The following EPC1 variants were observed in gnomAD, a reference collection of about 807,000 sequenced individuals.
The protein encoded by EPC1 is enhancer of polycomb homolog 1.
EPC1 carries 12 observed loss-of-function variants against 98.4 expected under a neutral mutation model. The observed-to-expected ratio is 0.12, with a 90% CI of 0.08 to 0.20. The LOEUF (loss-of-function observed/expected upper bound fraction) is 0.20. Ranked by LOEUF, EPC1 falls within the 10% of genes least tolerant of loss-of-function variation. The probability of loss-of-function intolerance (pLI) is 1.00; values close to 1 mark genes in which losing one functional copy is unlikely to be tolerated. For missense variants in EPC1, 729 were observed against 990.5 expected, an observed-to-expected ratio of 0.74 and a Z score of 3.54; for synonymous variants, 357 against 363.9, an observed-to-expected ratio of 0.98 and a Z score of 0.21.
intron 1 of EPC1, among the ~76,000 whole-genome samples, chr10:32,367,953 T>C (rs533744582): frequency 1.3e-5 from 2 of 152,354 alleles, no homozygotes; most frequent in South Asian, 2.1e-4. Context: ...AAATGTTACA[T>C]AAGCGAATGT....
At chr10:32,302,000 G>A (rs1835572682) in intron 2 of EPC1, among the ~76,000 whole-genome samples, 1 of 152,166 alleles carries the variant, frequency 6.6e-6, no homozygotes, top group East Asian at 1.9e-4. Context: ...GCGGCTGGAG[G>A]TGGTGGCTCA....
chr10:32,270,512 G>GT (rs1459437682), intron 13 of EPC1, among the ~76,000 whole-genome samples: 1 of 152,124 alleles, frequency 6.6e-6, no homozygotes, highest in African/African-American at 2.4e-5. Flanking sequence ...CATGAATACT[G>GT]TAAGTCTTTA....
At chr10:32,284,029 T>C (rs1436688535) in intron 10 of EPC1, 1 of 152,210 alleles carries the variant, frequency 6.6e-6, no homozygotes, top group African/African-American at 2.4e-5. Flanking sequence ...CAAAAATCAG[T>C]AGTAACATAA....
rs1299956450 is a variant in EPC1 at position 32,273,400 on chromosome 10, C to T, written c.1745-119G>A. 1.2e-5 allele frequency: 15 copies of T among 1,262,484 alleles called. No homozygotes were observed. The Admixed American group carries it at 4.3e-4, about 37-fold the overall frequency. The allele number at this position is 1,262,484 out of a possible 1,614,324, so 78.2% of individuals were successfully genotyped here. ...AAAATTGAAGCATCTGACAAAGGAT[C>T]ATGATCCTGCTAAAGATCACTTCCA... On this transcript the variant is annotated intron_variant, in intron 10 of 13. Coordinates refer to ENST00000319778, the MANE Select transcript of EPC1 (RefSeq NM_001272004.3).
intron 1 of EPC1, among the ~76,000 whole-genome samples, chr10:32,317,442 G>A (rs1271500234): frequency 1.3e-5 from 2 of 152,120 alleles, no homozygotes; most frequent in African/African-American, 2.4e-5. Flanking sequence ...AGGAGTTCGA[G>A]ATCAGCCTGA....
chr10:32,331,504 A>G (rs1268809109), intron 1 of EPC1, among the ~76,000 whole-genome samples: 1 of 148,590 alleles, frequency 6.7e-6, no homozygotes, highest in Non-Finnish European at 1.5e-5. Flanking sequence ...ATTTTATATC[A>G]TCTATCGTAC....
At chr10:32,311,975 T>C (rs1175640211) in intron 1 of EPC1, among the ~76,000 whole-genome samples, 3 of 152,206 alleles carry the variant, frequency 2.0e-5, no homozygotes, top group African/African-American at 7.2e-5. Context: ...TTAGAAATCA[T>C]TTCTAGAATT....
At chr10:32,293,833 A>G (rs1353204164) in intron 2 of EPC1, 96 bp from the exon 3 acceptor site, 1 of 1,140,514 alleles carries the variant, frequency 8.8e-7, no homozygotes, top group Non-Finnish European at 1.2e-6. Context: ...GACTTTCTAA[A>G]GAAATAAGAA....
At position 32,339,781 on chromosome 10, in the gene EPC1, ACTC is replaced by A. The variant is rs1270216818; in HGVS notation, c.153+6979_153+6981del. Reference sequence around the variant, plus strand: ...TGATTTTTCATACACTGCCTTATTCACTCCTCAGAGCTATTTTGTAAGGTAGCT... The same window carrying A: ...TGATTTTTCATACACTGCCTTATTCACTCAGAGCTATTTTGTAAGGTAGCT... On this transcript the variant is annotated intron_variant, in intron 1 of 13. Coordinates refer to ENST00000319778, the MANE Select transcript of EPC1 (RefSeq NM_001272004.3). Among the ~76,000 whole-genome samples the A allele has an allele frequency of 2.0e-5, 3 of 152,102 alleles. No homozygotes were observed. The East Asian group carries it at 5.8e-4, about 29-fold the overall frequency.
intron 1 of EPC1, among the ~76,000 whole-genome samples, chr10:32,358,000 GCCTGCCA>G (rs1839330457): frequency 6.6e-6 from 1 of 151,646 alleles, no homozygotes; most frequent in Non-Finnish European, 1.5e-5. Flanking sequence ...GATTACAGGT[GCCTGCCA>G]CCTTACCCAG....
At chr10:32,332,204 C>CTTCATAACAGTTGACAGCAAA (rs1303340842) in intron 1 of EPC1, among the ~76,000 whole-genome samples, 6 of 152,154 alleles carry the variant, frequency 3.9e-5, no homozygotes, top group Non-Finnish European at 7.3e-5. Flanking sequence ...CTTGGAAAGG[C>CTTCATAACAGTTGACAGCAAA]TTCATAACAG....
At position 32,291,204 on chromosome 10, in the gene EPC1, G is replaced by A; in HGVS notation, c.934C>T (p.His312Tyr). The A allele has an allele frequency of 6.2e-7, 1 of 1,613,920 alleles. No homozygotes were observed. Among genetic ancestry groups the A allele is most frequent in the Non-Finnish European group, 8.5e-7 (1 of 1,179,864 alleles). Residue 312 changes from histidine to tyrosine, a missense_variant, in exon 6 of 14, where the codon CAC (histidine) becomes TAC (tyrosine). His to Tyr is a moderately conservative substitution (Grantham distance 83, BLOSUM62 2). This residue lies in a region of EPC1 where 390 missense variants were observed against 438.6 expected (regional missense o/e 0.89). Coordinates refer to ENST00000319778, the MANE Select transcript of EPC1 (RefSeq NM_001272004.3). ...IPITNSSQFK[H>Y]QEAMDVKEFK... is the part of the protein sequence containing the mutation. Reference sequence around the variant, plus strand: ...TCCTTCACATCCATTGCTTCCTGGTGTTTAAATTGACTGCTATTAGTAATA... The same window carrying A: ...TCCTTCACATCCATTGCTTCCTGGTATTTAAATTGACTGCTATTAGTAATA...
chr10:32,363,269 TG>T (rs987117190), intron 1 of EPC1, among the ~76,000 whole-genome samples: 24 of 152,180 alleles, frequency 1.6e-4, no homozygotes, highest in African/African-American at 5.1e-4. Context: ...GAGAAAATTT[TG>T]TATTTTCACC....
At chr10:32,273,535 T>C (rs1835938793) in intron 10 of EPC1, among the ~76,000 whole-genome samples, 1 of 151,890 alleles carries the variant, frequency 6.6e-6, no homozygotes, top group Admixed American at 6.6e-5. Flanking sequence ...ACTGCTCACT[T>C]CCCAAATTTC....
chr10:32,340,125 A>G (rs2133025705), intron 1 of EPC1, among the ~76,000 whole-genome samples: 1 of 152,358 alleles, frequency 6.6e-6, no homozygotes, highest in African/African-American at 2.4e-5. Flanking sequence ...CGATTTGCTT[A>G]AATAATCTGC....
At chr10:32,349,698 C>T (rs1436724810), upstream of EPC1, among the ~76,000 whole-genome samples, 1 of 152,194 alleles carries the variant, frequency 6.6e-6, no homozygotes, top group Non-Finnish European at 1.5e-5. Flanking sequence ...AACTCCTGGG[C>T]TCAAGTGATC....
intron 1 of EPC1, among the ~76,000 whole-genome samples, chr10:32,369,171 A>G (rs1177672506): frequency 6.6e-6 from 1 of 152,228 alleles, no homozygotes; most frequent in Non-Finnish European, 1.5e-5. Flanking sequence ...AGGATCAGAA[A>G]TATCTGGAAG....
intron 1 of EPC1, among the ~76,000 whole-genome samples, chr10:32,372,066 A>T (rs1472713114): frequency 6.6e-6 from 1 of 152,214 alleles, no homozygotes; most frequent in Non-Finnish European, 1.5e-5. Flanking sequence ...CATATTTCAA[A>T]GCCAAAATAC....
intron 4 of EPC1, 126 bp from the exon 5 acceptor site, chr10:32,292,770 A>G: frequency 1.0e-6 from 1 of 976,928 alleles, no homozygotes; most frequent in Non-Finnish European, 1.4e-6. Flanking sequence ...AAGGGAGCAC[A>G]GATCACCAGG....
Sources: allele counts gnomAD v4.1 joint callset (sites outside exome capture counted in the v4.1 genomes callset), GRCh38; gene constraint gnomAD v4.1.1; regional missense constraint gnomAD v4.1.1; transcripts MANE v1.5; gene names NCBI Gene and HGNC (gene_info 2026-07-23, HGNC 2026-07-21).